Variants in GLIS3 observed in about 807,000 individuals in gnomAD.
The protein encoded by GLIS3 is zinc finger protein GLIS3.
A neutral mutation model predicts 78.6 loss-of-function variants in GLIS3; 53 were observed. The ratio of observed to expected loss-of-function variants is 0.67; its 90% CI spans 0.54 to 0.85. The LOEUF (loss-of-function observed/expected upper bound fraction) is 0.85, where lower values mean the gene tolerates loss of function less well. Among genes scored for constraint, GLIS3 ranks in the 40% least tolerant of loss-of-function variants. The probability of loss-of-function intolerance (pLI) is 0.00; values close to 1 mark genes in which losing one functional copy is unlikely to be tolerated. For synonymous variants in GLIS3, 684 were observed against 509.9 expected, an observed-to-expected ratio of 1.34 and a Z score of -4.60; for missense variants, 1,703 against 1,231.1, an observed-to-expected ratio of 1.38 and a Z score of -5.74.
intron 9 of GLIS3, among the ~76,000 whole-genome samples, chr9:3,846,092 C>G (rs1255451845): frequency 5.9e-5 from 9 of 152,154 alleles, no homozygotes; most frequent in African/African-American, 2.2e-4. Context: ...TATCAGTGTC[C>G]AAAGACATGC....
the GLIS3 span, among the ~76,000 whole-genome samples, chr9:4,384,302 T>TA: frequency 2.5e-3 from 375 of 152,124 alleles, 1 homozygote; most frequent in Non-Finnish European, 4.6e-3. Flanking sequence ...AACTACTTTT[T>TA]AGATAATACT....
chr9:4,350,469 T>C (rs1817954478), upstream of GLIS3, among the ~76,000 whole-genome samples: 1 of 152,208 alleles, frequency 6.6e-6, no homozygotes, highest in Non-Finnish European at 1.5e-5. Flanking sequence ...TTAAACTGCA[T>C]TTTCACTATT....
chr9:3,920,217 A>T (rs1023886107), intron 6 of GLIS3, among the ~76,000 whole-genome samples: 4 of 151,972 alleles, frequency 2.6e-5, no homozygotes, highest in African/African-American at 9.7e-5. Flanking sequence ...GTTAGCCAGG[A>T]TGGTCTCAAT....
At chr9:4,251,651 G>A (rs1468729678) in intron 2 of GLIS3, among the ~76,000 whole-genome samples, 3 of 152,094 alleles carry the variant, frequency 2.0e-5, no homozygotes, top group Non-Finnish European at 2.9e-5. Context: ...CTGTCATTAT[G>A]ATGCTAGCTG....
chr9:4,433,793 G>T, the GLIS3 span, among the ~76,000 whole-genome samples: 3 of 152,172 alleles, frequency 2.0e-5, no homozygotes, highest in Non-Finnish European at 4.4e-5. Flanking sequence ...GGTGTAATTT[G>T]TTCTGATATT....
chr9:4,234,358 T>A (rs1822528581), intron 2 of GLIS3, among the ~76,000 whole-genome samples: 1 of 152,168 alleles, frequency 6.6e-6, no homozygotes, highest in Non-Finnish European at 1.5e-5. Context: ...GGTTATTAAT[T>A]GGCTTAATTT....
At chr9:3,854,483 C>T (rs953290449) in intron 9 of GLIS3, among the ~76,000 whole-genome samples, 1 of 151,898 alleles carries the variant, frequency 6.6e-6, no homozygotes, top group Non-Finnish European at 1.5e-5. Context: ...TTCCTTCCTA[C>T]AGCTGGCTGC....
At chr9:4,240,005 T>C (rs1823138217) in intron 2 of GLIS3, among the ~76,000 whole-genome samples, 2 of 152,252 alleles carry the variant, frequency 1.3e-5, no homozygotes. Context: ...GTTGAATTAT[T>C]TCTGCAACCA....
At chr9:4,266,349 G>A (rs1826005366) in intron 2 of GLIS3, among the ~76,000 whole-genome samples, 1 of 151,972 alleles carries the variant, frequency 6.6e-6, no homozygotes, top group Admixed American at 6.6e-5. Context: ...GCCTCCAATG[G>A]ACCCCTCTCA....
rs141790371 is a variant in GLIS3 at position 4,279,324 on chromosome 9, TACACACACACAC to T, written c.388+6702_388+6713del. Among the ~76,000 whole-genome samples, 198 of 84,918 alleles carry T rather than the reference TACACACACACAC, an allele frequency of 2.3e-3. 2 individuals are homozygous for T. Among genetic ancestry groups the T allele is most frequent in the African/African-American group, 6.3e-3 (132 of 21,120 alleles). The allele number at this position is 84,918 out of a possible 152,430, so 55.7% of individuals were successfully genotyped here. On this transcript the variant is annotated intron_variant, in intron 2 of 10. Coordinates refer to ENST00000381971, the MANE Select transcript of GLIS3 (RefSeq NM_001042413.2). Reference sequence around the variant, plus strand: ...AAAAAAAAAAAAAAAAATATATATATACACACACACACACACACACACACACACACACACACA... The same window carrying T: ...AAAAAAAAAAAAAAAAATATATATATACACACACACACACACACACACACA...
intron 2 of GLIS3, among the ~76,000 whole-genome samples, chr9:4,345,070 T>C (rs774860806): frequency 3.3e-5 from 5 of 152,204 alleles, no homozygotes; most frequent in Non-Finnish European, 5.9e-5. Flanking sequence ...TCCTTTAAAC[T>C]TAAATCAGAT....
intron 2 of GLIS3, among the ~76,000 whole-genome samples, chr9:4,163,285 C>G (rs1021051898): frequency 6.6e-6 from 1 of 152,218 alleles, no homozygotes; most frequent in Non-Finnish European, 1.5e-5. Context: ...CGCGCGCACA[C>G]ATACCATTTC....
chr9:4,068,835 T>TGC (rs1491373156), intron 4 of GLIS3, among the ~76,000 whole-genome samples: 10 of 11,946 alleles, frequency 8.4e-4, no homozygotes, highest in East Asian at 0.024. Context: ...CATGTATGCA[T>TGC]GTGTGTGTGT....
intron 6 of GLIS3, among the ~76,000 whole-genome samples, chr9:3,922,397 C>G (rs1192353343): frequency 1.3e-5 from 2 of 152,148 alleles, no homozygotes; most frequent in Non-Finnish European, 2.9e-5. Context: ...TCTCTGAAAT[C>G]AAGACAAGAC....
At chr9:4,085,433 C>G (rs1439860224) in intron 4 of GLIS3, among the ~76,000 whole-genome samples, 1 of 152,236 alleles carries the variant, frequency 6.6e-6, no homozygotes, top group East Asian at 1.9e-4. Context: ...TCTCTCAGAC[C>G]TCACTTTTCT....
At chr9:4,176,059 T>A (rs142434255) in intron 2 of GLIS3, among the ~76,000 whole-genome samples, 2 of 152,220 alleles carry the variant, frequency 1.3e-5, no homozygotes, top group African/African-American at 4.8e-5. Context: ...AAATGACACA[T>A]GAAAATCTCT....
chr9:4,046,259 G>C (rs1022347976), intron 4 of GLIS3, among the ~76,000 whole-genome samples: 2 of 152,180 alleles, frequency 1.3e-5, no homozygotes, highest in Non-Finnish European at 2.9e-5. Context: ...GACCTGCCCA[G>C]TTGAACATTT....
chr9:4,083,919 T>A (rs1344512599), intron 4 of GLIS3, among the ~76,000 whole-genome samples: 2 of 152,142 alleles, frequency 1.3e-5, no homozygotes, highest in Non-Finnish European at 2.9e-5. Context: ...GTAGAAATCA[T>A]CTCTAGAGAA....
the GLIS3 span, among the ~76,000 whole-genome samples, chr9:4,446,151 T>C: frequency 1.3e-5 from 2 of 152,224 alleles, no homozygotes; most frequent in Non-Finnish European, 2.9e-5. Context: ...TCTGAATGTG[T>C]CCCTCCAAAA....
Sources: allele counts gnomAD v4.1 joint callset (sites outside exome capture counted in the v4.1 genomes callset), GRCh38; gene constraint gnomAD v4.1.1; transcripts MANE v1.5; gene names NCBI Gene and HGNC (gene_info 2026-07-23, HGNC 2026-07-21).